Variants in BCOR observed in about 807,000 individuals in gnomAD.
BCOR encodes BCL6 corepressor, also known as BCL-6 corepressor.
A neutral mutation model predicts 86.7 loss-of-function variants in BCOR; 10 were observed. The observed-to-expected ratio is 0.12, with a 90% CI of 0.07 to 0.20. The LOEUF is 0.20. Ranked by LOEUF, BCOR falls within the 10% of genes least tolerant of loss-of-function variation. The pLI, the probability that BCOR is intolerant of heterozygous loss-of-function variation, is 1.00. For synonymous variants in BCOR, 611 were observed against 609.0 expected, an observed-to-expected ratio of 1.00 and a Z score of -0.05; for missense variants, 1,259 against 1,452.1, an observed-to-expected ratio of 0.87 and a Z score of 2.16.
chrX:40,077,015 C>A, intron 2 of BCOR: 1 of 277,507 alleles, frequency 3.6e-6, no homozygotes. Flanking sequence ...TTTTCCAAAA[C>A]AAAGTTAGGG....
chrX:40,100,630 C>A (rs1937052639), upstream of BCOR, among the ~76,000 whole-genome samples: 1 of 105,975 alleles, frequency 9.4e-6, no homozygotes, highest in Admixed American at 1.0e-4. Flanking sequence ...ACCCGGGAGG[C>A]GGAGGTTGCG....
chrX:40,081,800 G>A (rs1936118374), intron 1 of BCOR, among the ~76,000 whole-genome samples: 3 of 112,576 alleles, frequency 2.7e-5, no homozygotes, highest in Admixed American at 1.9e-4. Flanking sequence ...GGAGAGGAAA[G>A]ACAGCTGAGA....
chrX:40,052,538 C>G (rs1346690838), intron 14 of BCOR, 138 bp from the exon 15 acceptor site: 1 of 456,560 alleles, frequency 2.2e-6, no homozygotes, highest in Non-Finnish European at 3.7e-6. Flanking sequence ...TCTCACCATA[C>G]CTACTCTCTG....
At chrX:40,062,070 C>A (rs899382264) in intron 10 of BCOR, 69 bp downstream of exon 10, 5 of 1,146,914 alleles carry the variant, frequency 4.4e-6, no homozygotes, top group Non-Finnish European at 5.8e-6. Context: ...TGTCCCTCCC[C>A]TCGCCCACCA....
intron 1 of BCOR, among the ~76,000 whole-genome samples, chrX:40,160,816 G>A (rs1351099637): frequency 1.1e-4 from 11 of 101,036 alleles, no homozygotes; most frequent in Non-Finnish European, 1.6e-4. Context: ...GGCACACTCC[G>A]CCACGCCCGG....
intron 1 of BCOR, among the ~76,000 whole-genome samples, chrX:40,149,892 T>C (rs182284472): frequency 2.5e-3 from 282 of 112,449 alleles, no homozygotes; most frequent in Non-Finnish European, 4.4e-3. Context: ...AGCTGCAATC[T>C]TCTGAGGCAC....
chrX:40,081,441 T>A (rs1005368929), intron 1 of BCOR, among the ~76,000 whole-genome samples: 4 of 112,319 alleles, frequency 3.6e-5, no homozygotes, highest in African/African-American at 1.3e-4. Context: ...TGGGGACTTT[T>A]TTACCTCTAA....
At chrX:40,088,972 T>C (rs1248396197) in intron 1 of BCOR, among the ~76,000 whole-genome samples, 1 of 111,784 alleles carries the variant, frequency 8.9e-6, no homozygotes, top group African/African-American at 3.3e-5. Context: ...TCTTTTCATA[T>C]GGAATCCTTT....
chrX:40,123,653 T>G (rs1213958023), intron 1 of BCOR, among the ~76,000 whole-genome samples: 1 of 110,788 alleles, frequency 9.0e-6, no homozygotes, highest in Non-Finnish European at 1.9e-5. Context: ...GCGCCCGGCC[T>G]TCTTTTTTTC....
Position 40,084,598 on chromosome X carries a change from C to T in BCOR, c.-40-6629G>A, listed in dbSNP as rs145834926. On this transcript the variant is annotated intron_variant, in intron 1 of 14. Transcript: ENST00000378444. ...CTTGGGAATCTACACAACCTGGGGG[C>T]AAATCCAGAATAAATGTTCCACACC... Among the ~76,000 whole-genome samples, 37 of 111,173 alleles carry T rather than the reference C, an allele frequency of 3.3e-4. No homozygotes were observed. The East Asian group carries it at 1.0e-2, about 30-fold the overall frequency.
At chrX:40,150,019 T>TG (rs1401959430) in intron 1 of BCOR, among the ~76,000 whole-genome samples, 3 of 112,533 alleles carry the variant, frequency 2.7e-5, no homozygotes, top group Non-Finnish European at 5.6e-5. Context: ...GAAGCATTCC[T>TG]GCTCCAGAGC....
chrX:40,070,875 G>T, intron 6 of BCOR, 98 bp downstream of exon 6: 1 of 829,801 alleles, frequency 1.2e-6, no homozygotes, highest in Non-Finnish European at 1.8e-6. Flanking sequence ...AAGGACAATC[G>T]GCCCTTCATT....
Position 40,074,904 on chromosome X carries a change from T to C in BCOR, c.442A>G (p.Ile148Val). 1 of 1,211,284 alleles carries C rather than the reference T, an allele frequency of 8.3e-7. No homozygotes were observed. Among genetic ancestry groups the C allele is most frequent in the Non-Finnish European group, 1.1e-6 (1 of 895,385 alleles). The change falls in exon 4 of 15, where the codon ATA becomes GTA. Residue 148 changes from isoleucine (I) to valine (V), a missense_variant. Coordinates refer to ENST00000378444, the MANE Select transcript of BCOR (RefSeq NM_001123385.2). ...SGKPPNGFSA[I>V]YKTPPGIQKS... ...TGTATTCCAGGCGGTGTTTTGTATATAGCACTGAAGCCATTTGGGGGTTTT... is the reference window on the plus strand; with the variant it reads ...TGTATTCCAGGCGGTGTTTTGTATACAGCACTGAAGCCATTTGGGGGTTTT...
At chrX:40,077,035 T>C (rs1190876574) in intron 2 of BCOR, 3 of 259,222 alleles carry the variant, frequency 1.2e-5, no homozygotes, top group Admixed American at 5.8e-5. Flanking sequence ...GACCATGTCC[T>C]ACGAAACTGG....
rs201669316 is a variant in BCOR at position 40,062,352 on chromosome X, C to T, written c.4215G>A (p.Ser1405=). The change falls in exon 10 of 15, where the codon TCG becomes TCA. Residue 1405 remains serine (S), a synonymous_variant. Coordinates refer to ENST00000378444, the MANE Select transcript of BCOR (RefSeq NM_001123385.2). The part of the protein sequence containing the change: ...RRFRKRPEPS[S]DYDLSPAKQE... Reference sequence around the variant, plus strand: ...GCTTGGCTGGTGACAGATCATAGTCCGAACTGGGCTCCGGCCGCTTTCTGA... The same window carrying T: ...GCTTGGCTGGTGACAGATCATAGTCTGAACTGGGCTCCGGCCGCTTTCTGA... The T allele has an allele frequency of 1.2e-4, 146 of 1,204,438 alleles. No individual in the cohort carries two copies. Among genetic ancestry groups the T allele is most frequent in the Middle Eastern group, 2.3e-4 (1 of 4,345 alleles).
chrX:40,110,571 C>T (rs1414973552), intron 1 of BCOR, among the ~76,000 whole-genome samples: 2 of 107,674 alleles, frequency 1.9e-5, no homozygotes, highest in Non-Finnish European at 3.9e-5. Flanking sequence ...GAGCACACTT[C>T]ACCAGCAGGG....
intron 2 of BCOR, chrX:40,077,293 C>G (rs1482425687): frequency 7.0e-6 from 1 of 143,754 alleles, no homozygotes; most frequent in East Asian, 2.4e-4. Context: ...CCTCATTACC[C>G]CGAAGAGCAG....
At chrX:40,094,702 C>A (rs1374617308) in intron 1 of BCOR, among the ~76,000 whole-genome samples, 4 of 112,713 alleles carry the variant, frequency 3.5e-5, no homozygotes, top group Non-Finnish European at 5.6e-5. Flanking sequence ...GAAGAAAGAG[C>A]GGGCTGCGCG....
intron 1 of BCOR, among the ~76,000 whole-genome samples, chrX:40,084,310 G>A (rs1936250274): frequency 8.9e-6 from 1 of 112,143 alleles, no homozygotes; most frequent in Non-Finnish European, 1.9e-5. Flanking sequence ...ACACTTGCCC[G>A]TCTCCCCGGA....
Sources: gnomAD v4.1 joint callset for allele counts (sites outside exome capture counted in the v4.1 genomes callset) on GRCh38, gnomAD v4.1.1 for gene constraint, MANE v1.5 for transcripts, NCBI Gene and HGNC (gene_info 2026-07-23, HGNC 2026-07-21) for gene names.